The following CAMKK1 variants were observed in gnomAD, a reference collection of about 807,000 sequenced individuals.
The protein encoded by CAMKK1 is calcium/calmodulin dependent protein kinase kinase 1, also known as calcium/calmodulin-dependent protein kinase kinase 1.
CAMKK1 carries 20 observed loss-of-function variants against 63.5 expected under a neutral mutation model. The ratio of observed to expected loss-of-function variants is 0.32; its 90% CI spans 0.22 to 0.46. The LOEUF is 0.46. CAMKK1 is among the 20% of genes least tolerant of loss of function. CAMKK1 has a pLI of 1.00. For synonymous variants in CAMKK1, 253 were observed against 269.0 expected (o/e 0.94, Z 0.58); for missense variants, 588 against 658.1 (o/e 0.89, Z 1.17).
chr17:3,884,183 CAG>C lies in CAMKK1; in HGVS notation c.408+195_408+196del, dbSNP rs1204749473. Reference sequence around the variant, plus strand: ...CCCTCCTTGTCCACTGTCAAGAACTCAGAGAGTCGGGAATCAGGAGCCATCTT... The same window carrying C: ...CCCTCCTTGTCCACTGTCAAGAACTCAGAGTCGGGAATCAGGAGCCATCTT... On this transcript the variant is annotated intron_variant, in intron 3 of 15. Coordinates refer to ENST00000348335, the MANE Select transcript of CAMKK1 (RefSeq NM_032294.3). This position sits in a 1 kb window ranked among gnomAD's most constrained non-coding sequence, Gnocchi z 4.5. 6.6e-6 allele frequency among the ~76,000 whole-genome samples: 1 copy of C among 152,186 alleles called. No homozygotes were observed. The highest frequency in any genetic ancestry group is 1.5e-5 in the Non-Finnish European group (1 of 68,026).
chr17:3,865,793 C>T (rs1000387117), intron 15 of CAMKK1, 115 bp downstream of exon 15: 57 of 1,520,578 alleles, frequency 3.7e-5, no homozygotes, highest in Non-Finnish European at 4.9e-5. Context: ...GAGACCTGGC[C>T]AAGTCCCCAG....
At chr17:3,868,581 G>A (rs939535289) in intron 14 of CAMKK1, among the ~76,000 whole-genome samples, 1 of 152,184 alleles carries the variant, frequency 6.6e-6, no homozygotes, top group Non-Finnish European at 1.5e-5. Flanking sequence ...CGGAAGCTCA[G>A]TAACTGTCTG....
Position 3,889,761 on chromosome 17 carries a change from C to T in CAMKK1, c.-44+3178G>A, listed in dbSNP as rs891098009. Among the ~76,000 whole-genome samples, 14 of 152,156 alleles carry T rather than the reference C, an allele frequency of 9.2e-5. No individual in the cohort carries two copies. The highest frequency in any genetic ancestry group is 2.9e-4 in the African/African-American group (12 of 41,428). On this transcript the variant is annotated intron_variant, in intron 1 of 15. Transcript: ENST00000348335. The surrounding 1 kb of genome is among the most constrained non-coding windows in gnomAD (Gnocchi z 5.2). ...CCCAGGCTGTGCCCCACCCCCCAAG[C>T]GTCTGGCCACTCCCAAGGAATGTGG... is the stretch of plus-strand genomic sequence containing the variant.
rs1054702608 is a variant in CAMKK1, at chr17:3,889,287, C to T, written c.-43-3557G>A. Among the ~76,000 whole-genome samples the T allele has an allele frequency of 1.3e-5, 2 of 152,062 alleles. No homozygotes were observed. The highest frequency in any genetic ancestry group is 2.4e-5 in the African/African-American group (1 of 41,402). On this transcript the variant is annotated intron_variant, in intron 1 of 15. Coordinates refer to ENST00000348335, the MANE Select transcript of CAMKK1 (RefSeq NM_032294.3). The surrounding 1 kb of genome is among the most constrained non-coding windows in gnomAD (Gnocchi z 5.2). ...TGTAGAAACTTAATTCGGTGGATAA[C>T]TAGGGCCATGTGGGCAAACAGAAAG... is the stretch of plus-strand genomic sequence containing the variant.
intron 9 of CAMKK1, among the ~76,000 whole-genome samples, chr17:3,878,576 C>T (rs1313765976): frequency 6.6e-6 from 1 of 152,134 alleles, no homozygotes; most frequent in Non-Finnish European, 1.5e-5. Context: ...TAGGGATTTT[C>T]TGCAAAGCCC....
Position 3,862,172 on chromosome 17 carries a change from T to G in CAMKK1, c.*39A>C. The G allele has an allele frequency of 6.8e-5, 104 of 1,536,378 alleles. No homozygotes were observed. The highest frequency in any genetic ancestry group is 8.4e-5 in the Non-Finnish European group (95 of 1,133,848). On this transcript the variant is annotated 3_prime_UTR_variant, in exon 16 of 16. Transcript: ENST00000348335. The surrounding 1 kb of genome is among the most constrained non-coding windows in gnomAD (Gnocchi z 4.1). The stretch of plus-strand genomic sequence containing the variant: ...GGGGTGGGCCTCTGGAGGCGCGGGA[T>G]GAGTGTGCTGCCGGGTGGCCCTGGG...
chr17:3,889,990 G>A lies in CAMKK1; in HGVS notation c.-44+2949C>T, dbSNP rs933560502. ...CCGCTGTGAACCCCAGTGCCAAGCC[G>A]AGGCAGGGGACCAGCTACATCCAGG... On this transcript the variant is annotated intron_variant, in intron 1 of 15. Coordinates refer to ENST00000348335, the MANE Select transcript of CAMKK1 (RefSeq NM_032294.3). The surrounding 1 kb of genome is among the most constrained non-coding windows in gnomAD (Gnocchi z 5.2). Among the ~76,000 whole-genome samples the A allele has an allele frequency of 3.9e-5, 6 of 152,240 alleles. No individual in the cohort carries two copies. Among genetic ancestry groups the A allele is most frequent in the Non-Finnish European group, 7.4e-5 (5 of 68,026 alleles).
chr17:3,871,075 G>C (rs1185658743), intron 12 of CAMKK1, among the ~76,000 whole-genome samples: 1 of 152,160 alleles, frequency 6.6e-6, no homozygotes, highest in Non-Finnish European at 1.5e-5. Flanking sequence ...TGCTTTATCA[G>C]GGCTGTCCCC....
chr17:3,883,828 C>A lies in CAMKK1; in HGVS notation c.462+56G>T. Reference sequence around the variant, plus strand: ...TCCTAAGCACAACTCCTGCCCCACCCCTCAGGCTTCCAGGGCCTGGCTTGG... The same window carrying A: ...TCCTAAGCACAACTCCTGCCCCACCACTCAGGCTTCCAGGGCCTGGCTTGG... On this transcript the variant is annotated intron_variant, in intron 4 of 15. Transcript: ENST00000348335. The surrounding 1 kb of genome is among the most constrained non-coding windows in gnomAD (Gnocchi z 4.7). The A allele has an allele frequency of 6.4e-7, 1 of 1,574,234 alleles. No homozygotes were observed. Among genetic ancestry groups the A allele is most frequent in the Non-Finnish European group, 8.7e-7 (1 of 1,144,830 alleles).
At chr17:3,865,675 G>A (rs2054490723) in intron 15 of CAMKK1, 2 of 1,391,366 alleles carry the variant, frequency 1.4e-6, no homozygotes, top group Non-Finnish European at 1.9e-6. Flanking sequence ...CCCTGGAAGT[G>A]TGTGTGTGAG....
In CAMKK1 at chr17:3,869,889, C is replaced by A; in HGVS notation, c.1125-1G>T. ...CTTGAGCTCCTCGCTGATTTCTGGC[C>A]TGGAGAGGGCGAAGGAAGGAGAGGA... On this transcript the variant is annotated splice_acceptor_variant, in intron 12 of 15. Transcript: ENST00000348335. LOFTEE classifies it high-confidence loss of function. The A allele has an allele frequency of 6.2e-7, 1 of 1,613,950 alleles. No homozygotes were observed. The highest frequency in any genetic ancestry group is 8.5e-7 in the Non-Finnish European group (1 of 1,179,794).
intron 9 of CAMKK1, among the ~76,000 whole-genome samples, chr17:3,876,874 C>T (rs2055187945): frequency 6.6e-6 from 1 of 151,584 alleles, no homozygotes; most frequent in African/African-American, 2.4e-5. Context: ...TCTCCTGCCT[C>T]AGCCTCCCGA....
At chr17:3,869,692 A>G (rs1466519969) in intron 13 of CAMKK1, 77 bp from the exon 14 acceptor site, 3 of 1,607,918 alleles carry the variant, frequency 1.9e-6, no homozygotes, top group Non-Finnish European at 2.6e-6. Flanking sequence ...TCCAAAGTCC[A>G]CAGACTCAAA....
rs761363870 is a variant in CAMKK1, at chr17:3,876,247, A to G, written c.972T>C (p.Asp324=). The G allele has an allele frequency of 8.7e-6, 14 of 1,614,184 alleles. No individual in the cohort carries two copies. The highest frequency in any genetic ancestry group is 1.2e-5 in the Non-Finnish European group (14 of 1,180,008). The change falls in exon 10 of 16, where the codon GAT becomes GAC. Residue 324 remains aspartate, a synonymous_variant. Transcript: ENST00000348335. ...CCTTCCCACTGAAGCTCTGGCCGGA[A>G]TCAGAAATGGCCTCGGGGGCCATGA... The part of the protein sequence containing the change: ...PAFMAPEAIS[D]SGQSFSGKAL...
chr17:3,887,961 C>T lies in CAMKK1; in HGVS notation c.-43-2231G>A, dbSNP rs1479288316. ...CTCATCTGCCTTGTCTCCAAAAGAT[C>T]ATCAGTGCCTGGCATGTGATAGGAA... is the stretch of plus-strand genomic sequence containing the variant. On this transcript the variant is annotated intron_variant, in intron 1 of 15. Transcript: ENST00000348335. This position sits in a 1 kb window ranked among gnomAD's most constrained non-coding sequence, Gnocchi z 6.1. 6.6e-6 allele frequency among the ~76,000 whole-genome samples: 1 copy of T among 152,134 alleles called. No homozygotes were observed. Among genetic ancestry groups the T allele is most frequent in the African/African-American group, 2.4e-5 (1 of 41,408 alleles).
intron 9 of CAMKK1, 105 bp from the exon 10 acceptor site, chr17:3,876,527 C>A (rs552857978): frequency 4.4e-4 from 425 of 966,960 alleles, no homozygotes; most frequent in Non-Finnish European, 5.7e-4. Context: ...ACATCCCAGC[C>A]CATGCACACT....
chr17:3,880,003 C>T, intron 9 of CAMKK1: 1 of 304,258 alleles, frequency 3.3e-6, no homozygotes, highest in East Asian at 7.3e-5. Context: ...CTCTCCCCAG[C>T]AGCTGGACAT....
intron 15 of CAMKK1, among the ~76,000 whole-genome samples, chr17:3,864,489 A>C (rs749430475): frequency 1.4e-5 from 2 of 145,544 alleles, no homozygotes; most frequent in African/African-American, 5.2e-5. Context: ...CCTGTGATCC[A>C]CCCGCCTCGG....
chr17:3,883,288 C>T lies in CAMKK1; in HGVS notation c.515-113G>A. ...ATGCCCGTGGTCTTGTCCCAACCCA[C>T]AGGGCACATTCTGTCCCCAGGCCTC... On this transcript the variant is annotated intron_variant, in intron 5 of 15. Transcript: ENST00000348335. This position sits in a 1 kb window ranked among gnomAD's most constrained non-coding sequence, Gnocchi z 4.7. 2.0e-6 allele frequency: 3 copies of T among 1,507,162 alleles called. No homozygotes were observed. Among genetic ancestry groups the T allele is most frequent in the Non-Finnish European group, 2.7e-6 (3 of 1,091,164 alleles). The allele number at this position is 1,507,162 out of a possible 1,614,324, so 93.4% of individuals were successfully genotyped here.
Sources: allele counts gnomAD v4.1 joint callset (sites outside exome capture counted in the v4.1 genomes callset), GRCh38; gene constraint gnomAD v4.1.1; non-coding constraint Gnocchi (gnomAD v3.1); transcripts MANE v1.5; gene names NCBI Gene and HGNC (gene_info 2026-07-23, HGNC 2026-07-21).